Variants in CREB5 observed in about 807,000 individuals in gnomAD.
CREB5 encodes the protein cAMP responsive element binding protein 5, also known as cyclic AMP-responsive element-binding protein 5.
A neutral mutation model predicts 57.1 loss-of-function variants in CREB5; 19 were observed. The observed-to-expected ratio is 0.33, with a 90% CI of 0.23 to 0.49. The LOEUF is 0.49. Ranked by LOEUF, CREB5 falls within the 20% of genes least tolerant of loss-of-function variation. CREB5 has a pLI of 0.99. For synonymous variants in CREB5, 238 were observed against 238.3 expected (o/e 1.00, Z 0.01); for missense variants, 579 against 671.6 (o/e 0.86, Z 1.52).
intron 5 of CREB5, among the ~76,000 whole-genome samples, chr7:28,666,982 T>G (rs536012241): frequency 2.6e-5 from 4 of 151,906 alleles, no homozygotes; most frequent in Admixed American, 6.6e-5. Flanking sequence ...TATTTGATTA[T>G]AGTGGAGCTT....
intron 1 of CREB5, among the ~76,000 whole-genome samples, chr7:28,432,196 A>T (rs1022456349): frequency 6.6e-6 from 1 of 152,140 alleles, no homozygotes; most frequent in East Asian, 1.9e-4. Context: ...TGCCCAGCCA[A>T]TGGCAAGGAC....
chr7:28,594,395 T>C (rs1051154417), intron 5 of CREB5, among the ~76,000 whole-genome samples: 1 of 152,190 alleles, frequency 6.6e-6, no homozygotes, highest in Non-Finnish European at 1.5e-5. Flanking sequence ...TCCACAACTC[T>C]GGTTTCAAGG....
chr7:28,591,015 A>G lies in CREB5; in HGVS notation c.464+20478A>G, dbSNP rs1248170250. 2.0e-5 allele frequency among the ~76,000 whole-genome samples: 3 copies of G among 152,204 alleles called. No homozygotes were observed. The South Asian group carries it at 6.2e-4, about 32-fold the overall frequency. ...CCAAAGTTAATTTTTTGCAAGATCA[A>G]TGAACTTTTGAGGAAATACTGAAAA... On this transcript the variant is annotated intron_variant, in intron 5 of 10. Coordinates refer to ENST00000357727, the MANE Select transcript of CREB5 (RefSeq NM_182898.4).
chr7:28,694,827 G>A (rs931459903), intron 5 of CREB5, among the ~76,000 whole-genome samples: 6 of 152,150 alleles, frequency 3.9e-5, no homozygotes, highest in African/African-American at 9.7e-5. Context: ...GGTTATAGGC[G>A]TGAGCTACTT....
intron 1 of CREB5, among the ~76,000 whole-genome samples, chr7:28,369,616 A>G (rs977769219): frequency 2.0e-5 from 3 of 152,216 alleles, no homozygotes; most frequent in African/African-American, 7.2e-5. Flanking sequence ...AGATGCTGTT[A>G]TCACCCCATC....
intron 5 of CREB5, among the ~76,000 whole-genome samples, chr7:28,699,626 T>C (rs907674481): frequency 3.3e-5 from 5 of 152,216 alleles, no homozygotes; most frequent in African/African-American, 1.2e-4. Flanking sequence ...TTATCTATAT[T>C]TATTGAACTG....
chr7:28,586,828 C>T lies in CREB5; in HGVS notation c.464+16291C>T, dbSNP rs376688498. On this transcript the variant is annotated intron_variant, in intron 5 of 10. Coordinates refer to ENST00000357727, the MANE Select transcript of CREB5 (RefSeq NM_182898.4). ...AAAGAATGGGACGTCCCAGCGTGGC[C>T]TCAGGGCATGTTTGTCCATCCCACA... Among the ~76,000 whole-genome samples the T allele has an allele frequency of 1.0e-3, 156 of 152,338 alleles. 4 individuals are homozygous for T. The South Asian group carries it at 0.031, about 30-fold the overall frequency.
chr7:28,383,172 G>A lies in CREB5; in HGVS notation c.-25+83731G>A, dbSNP rs183803543. Among the ~76,000 whole-genome samples, 328 of 152,242 alleles carry A rather than the reference G, an allele frequency of 2.2e-3. 7 individuals carry two copies. Among genetic ancestry groups the A allele is most frequent in the Admixed American group, 0.019 (298 of 15,296 alleles). ...ATGCCAGTGGCTGCAAGGGATTGGT[G>A]GATTCGTGTTAGGCATAATGTGTAC... On this transcript the variant is annotated intron_variant, in intron 1 of 9. Coordinates refer to the CREB5 transcript ENST00000396299.
At chr7:28,712,545 A>G (rs1381685608) in intron 5 of CREB5, among the ~76,000 whole-genome samples, 3 of 148,830 alleles carry the variant, frequency 2.0e-5, no homozygotes, top group Non-Finnish European at 4.4e-5. Flanking sequence ...TATTATTATT[A>G]TTTTCTGAGA....
At chr7:28,685,062 T>C (rs1261703252) in intron 5 of CREB5, among the ~76,000 whole-genome samples, 1 of 152,112 alleles carries the variant, frequency 6.6e-6, no homozygotes, top group Non-Finnish European at 1.5e-5. Context: ...TTTTCCTCAC[T>C]CTGTAATTAA....
chr7:28,491,220 G>T, intron 2 of CREB5: 4 of 985,506 alleles, frequency 4.1e-6, no homozygotes, highest in Non-Finnish European at 4.8e-6. Context: ...AAGGATAGCC[G>T]AGCTGGAGTT....
chr7:28,435,479 G>GCGGCC (rs1788922997), intron 1 of CREB5: 1 of 193,310 alleles, frequency 5.2e-6, no homozygotes, highest in Non-Finnish European at 9.1e-6. Flanking sequence ...TCCAGCTCTA[G>GCGGCC]TGGCCTCTAG....
intron 7 of CREB5, among the ~76,000 whole-genome samples, chr7:28,737,550 T>G (rs900940621): frequency 3.9e-4 from 7 of 17,992 alleles, no homozygotes; most frequent in African/African-American, 7.0e-4. Flanking sequence ...TATATATATA[T>G]ATATATATAT....
At chr7:28,611,143 C>T (rs1428272361) in intron 5 of CREB5, among the ~76,000 whole-genome samples, 1 of 152,030 alleles carries the variant, frequency 6.6e-6, no homozygotes, top group African/African-American at 2.4e-5. Context: ...CTGCATGTTT[C>T]TCTGTGGAAA....
chr7:28,306,549 T>TG (rs1785188127), intron 1 of CREB5, among the ~76,000 whole-genome samples: 1 of 36,912 alleles, frequency 2.7e-5, no homozygotes, highest in African/African-American at 7.4e-5. Flanking sequence ...CAGTTTTGTT[T>TG]TTTTTGTTTT....
In CREB5 at chr7:28,712,366, G is replaced by A. The variant is rs186335200; in HGVS notation, c.465-6387G>A. On this transcript the variant is annotated intron_variant, in intron 5 of 10. Coordinates refer to ENST00000357727, the MANE Select transcript of CREB5 (RefSeq NM_182898.4). Reference sequence around the variant, plus strand: ...CTCCTAAAAATAGAAAAATTACCCCGGCATAGTGGCACATGCCTGTAATCC... The same window carrying A: ...CTCCTAAAAATAGAAAAATTACCCCAGCATAGTGGCACATGCCTGTAATCC... 8.6e-5 allele frequency among the ~76,000 whole-genome samples: 13 copies of A among 151,486 alleles called. No individual in the cohort carries two copies. In the East Asian group the frequency reaches 1.8e-3, roughly 21 times the overall value.
intron 5 of CREB5, among the ~76,000 whole-genome samples, chr7:28,586,659 G>A (rs1796317727): frequency 1.3e-5 from 2 of 152,174 alleles, no homozygotes; most frequent in African/African-American, 4.8e-5. Context: ...GAGAAGTGGG[G>A]AAGCAACATG....
intron 1 of CREB5, among the ~76,000 whole-genome samples, chr7:28,447,632 G>GGT (rs927402265): frequency 2.6e-5 from 4 of 152,036 alleles, no homozygotes; most frequent in African/African-American, 9.7e-5. Flanking sequence ...GGAGAGTGAT[G>GGT]GTGTGTGTGT....
intron 9 of CREB5, among the ~76,000 whole-genome samples, chr7:28,817,743 G>T (rs1004184174): frequency 6.6e-6 from 1 of 152,176 alleles, no homozygotes; most frequent in Non-Finnish European, 1.5e-5. Context: ...GCTCAGCTGG[G>T]TTATGTAATC....
Sources: gnomAD v4.1 joint callset for allele counts (sites outside exome capture counted in the v4.1 genomes callset) on GRCh38, gnomAD v4.1.1 for gene constraint, MANE v1.5 for transcripts, NCBI Gene and HGNC (gene_info 2026-07-23, HGNC 2026-07-21) for gene names.